ADAT1: variants seen among roughly 807,000 people sequenced by gnomAD.
ADAT1 encodes adenosine deaminase tRNA specific 1.
Under a neutral mutation model 58.6 loss-of-function variants are expected in ADAT1, and 58 were observed. The ratio of observed to expected loss-of-function variants is 0.99; its 90% CI spans 0.80 to 1.23. The LOEUF (loss-of-function observed/expected upper bound fraction) is 1.23. Among genes scored for constraint, ADAT1 ranks in the 50% most tolerant of loss-of-function variants. The pLI is 0.00. For missense variants in ADAT1, 741 were observed against 608.6 expected, an observed-to-expected ratio of 1.22 and a Z score of -2.29; for synonymous variants, 254 against 220.8, an observed-to-expected ratio of 1.15 and a Z score of -1.33.
intron 5 of ADAT1, among the ~76,000 whole-genome samples, chr16:75,613,914 G>C (rs1046728217): frequency 6.6e-6 from 1 of 152,148 alleles, no homozygotes; most frequent in African/African-American, 2.4e-5. Flanking sequence ...TTGGCAGGCA[G>C]GGTGCGGTGG....
chr16:75,607,548 T>G (rs2081404083), intron 8 of ADAT1, among the ~76,000 whole-genome samples: 2 of 150,314 alleles, frequency 1.3e-5, no homozygotes, highest in Non-Finnish European at 3.0e-5. Context: ...TCATACCCAC[T>G]AGAATGACTA....
chr16:75,618,248 T>A (rs2081804502), intron 4 of ADAT1, among the ~76,000 whole-genome samples: 1 of 152,038 alleles, frequency 6.6e-6, no homozygotes, highest in African/African-American at 2.4e-5. Context: ...GGCTCACACC[T>A]GTAATCCCAG....
rs1332095783 is a variant in ADAT1 at position 75,597,509 on chromosome 16, A to C, written c.*2707T>G. The C allele has an allele frequency of 8.2e-6, 3 of 366,274 alleles. No homozygotes were observed. The highest frequency in any genetic ancestry group is 1.1e-5 in the Non-Finnish European group (2 of 180,710). The allele number at this position is 366,274 out of a possible 1,614,324, so 22.7% of individuals were successfully genotyped here. A position where few individuals can be genotyped will look rare whatever the true frequency, so the allele number is the denominator to read the frequency against. ...ACCAGGGACTGGTTTCATGGAAGAT[A>C]ATTTTTCCACAGATCCGGGGTGGGG... On this transcript the variant is annotated 3_prime_UTR_variant, in exon 10 of 10. Coordinates refer to ENST00000564657, the MANE Select transcript of ADAT1 (RefSeq NM_001324445.2).
At position 75,608,595 on chromosome 16, in the gene ADAT1, C is replaced by A. The variant is rs373956379; in HGVS notation, c.1189+248G>T. ...TAAACAGAATTTCTCACTGAATCTT[C>A]CCAATAACCCTGATAAATGATATTC... is the stretch of plus-strand genomic sequence containing the variant. On this transcript the variant is annotated intron_variant, in intron 7 of 9. Coordinates refer to ENST00000564657, the MANE Select transcript of ADAT1 (RefSeq NM_001324445.2). 6.8e-6 allele frequency: 4 copies of A among 587,622 alleles called. No individual in the cohort carries two copies. In the East Asian group the frequency reaches 1.1e-4, roughly 17 times the overall value. The allele number at this position is 587,622 out of a possible 1,614,324, so 36.4% of individuals were successfully genotyped here. A position where few individuals can be genotyped will look rare whatever the true frequency, so the allele number is the denominator to read the frequency against.
chr16:75,597,245 G>T lies in ADAT1; in HGVS notation c.*2971C>A. On this transcript the variant is annotated 3_prime_UTR_variant, in exon 10 of 10. Transcript: ENST00000564657. ...AGGGCAGGCCCTAAATCCAATTACTGGGGTCCTTATAAGTAGGCCATGGAA... is the reference window on the plus strand; with the variant it reads ...AGGGCAGGCCCTAAATCCAATTACTTGGGTCCTTATAAGTAGGCCATGGAA... 2 of 333,070 alleles carry T rather than the reference G, an allele frequency of 6.0e-6. No homozygotes were observed. Among genetic ancestry groups the T allele is most frequent in the South Asian group, 4.8e-5 (2 of 41,338 alleles). 20.6% of individuals were successfully genotyped at this position (333,070 alleles called of 1,614,324 possible). A position where few individuals can be genotyped will look rare whatever the true frequency, so the allele number is the denominator to read the frequency against.
rs1344491324 is a variant in ADAT1 at position 75,597,779 on chromosome 16, C to G, written c.*2437G>C. Reference sequence around the variant, plus strand: ...GTGCAACCTAGATCCCTTGCATGCACAGTTCACAATAGGATTCACGCTCCT... The same window carrying G: ...GTGCAACCTAGATCCCTTGCATGCAGAGTTCACAATAGGATTCACGCTCCT... On this transcript the variant is annotated 3_prime_UTR_variant, in exon 10 of 10. Coordinates refer to ENST00000564657, the MANE Select transcript of ADAT1 (RefSeq NM_001324445.2). Among the ~76,000 whole-genome samples, 1 of 152,186 alleles carries G rather than the reference C, an allele frequency of 6.6e-6. No individual in the cohort carries two copies. Among genetic ancestry groups the G allele is most frequent in the African/African-American group, 2.4e-5 (1 of 41,448 alleles).
chr16:75,615,698 A>G lies in ADAT1; in HGVS notation c.424+1444T>C, dbSNP rs561746511. On this transcript the variant is annotated intron_variant, in intron 5 of 9. Transcript: ENST00000564657. ...CAATAAGGCTATAGCTGTCACTGGG[A>G]TCACCCCGGTCCTAGCTACTCAATG... Among the ~76,000 whole-genome samples the G allele has an allele frequency of 5.9e-5, 9 of 152,172 alleles. No homozygotes were observed. The East Asian group carries it at 1.5e-3, about 26-fold the overall frequency.
intron 5 of ADAT1, among the ~76,000 whole-genome samples, chr16:75,615,987 C>T (rs2081704046): frequency 6.6e-6 from 1 of 151,504 alleles, no homozygotes; most frequent in South Asian, 2.1e-4. Flanking sequence ...TTCTCATACT[C>T]TTTCTTTCTT....
intron 8 of ADAT1, among the ~76,000 whole-genome samples, chr16:75,603,981 T>C (rs886502302): frequency 6.6e-6 from 1 of 152,146 alleles, no homozygotes; most frequent in East Asian, 1.9e-4. Flanking sequence ...ACTTCAGGAA[T>C]TGCTGCTTAA....
chr16:75,613,712 T>C lies in ADAT1; in HGVS notation c.425-851A>G, dbSNP rs763275558. Among the ~76,000 whole-genome samples, 23 of 152,214 alleles carry C rather than the reference T, an allele frequency of 1.5e-4. 1 individual carries two copies. The highest frequency in any genetic ancestry group is 3.2e-4 in the Non-Finnish European group (22 of 68,036). On this transcript the variant is annotated intron_variant, in intron 5 of 9. Coordinates refer to ENST00000564657, the MANE Select transcript of ADAT1 (RefSeq NM_001324445.2). ...CTGGTCTCTACCTACTAAATGCCAA[T>C]AGGACTACCAGTCCCAGTATGAAAA...
In ADAT1 at chr16:75,608,260, C is replaced by T; in HGVS notation, c.1253G>A (p.Gly418Glu). ...GCTTCCAATTGTTTTCTTTGTTGTT[C>T]CCTGTGGAAAGCCATTGGCAGTAAC... The part of the protein sequence containing the change: ...LDVTANGFPQ[G>E]TTKKTIGSLQ... The change falls in exon 8 of 10, where the codon GGA (glycine) becomes GAA (glutamate). Residue 418 changes from glycine (G) to glutamate (E), a missense_variant. Transcript: ENST00000564657. 5 of 1,614,052 alleles carry T rather than the reference C, an allele frequency of 3.1e-6. No homozygotes were observed. The highest frequency in any genetic ancestry group is 1.1e-5 in the South Asian group (1 of 91,066).
At chr16:75,608,389 A>T in intron 7 of ADAT1, 66 bp from the exon 8 acceptor site, 1 of 1,362,060 alleles carries the variant, frequency 7.3e-7, no homozygotes, top group Non-Finnish European at 1.0e-6. Context: ...AAGTATTTTA[A>T]TAAAAATATT....
chr16:75,611,219 A>G (rs147231034), intron 6 of ADAT1, among the ~76,000 whole-genome samples: 91 of 152,290 alleles, frequency 6.0e-4, no homozygotes, highest in Middle Eastern at 3.4e-3. Context: ...TATTAAAAAC[A>G]AAGAAGAAAA....
intron 2 of ADAT1, 94 bp downstream of exon 2, chr16:75,620,537 C>A: frequency 1.3e-6 from 2 of 1,496,954 alleles, no homozygotes; most frequent in Admixed American, 1.7e-5. Flanking sequence ...CATCGTAGTT[C>A]ACACCCTACC....
chr16:75,618,343 A>G (rs928706113), intron 4 of ADAT1, among the ~76,000 whole-genome samples: 13 of 151,808 alleles, frequency 8.6e-5, no homozygotes, highest in Admixed American at 4.6e-4. Flanking sequence ...CATCTCTACT[A>G]AAAACACAAA....
Position 75,617,155 on chromosome 16 carries a change from G to A in ADAT1, c.411C>T (p.Ser137=). 1 of 1,613,300 alleles carries A rather than the reference G, an allele frequency of 6.2e-7. No homozygotes were observed. The highest frequency in any genetic ancestry group is 8.5e-7 in the Non-Finnish European group (1 of 1,179,380). Residue 137 remains serine (S), a synonymous_variant, in exon 5 of 10, where the codon TCC becomes TCT. Transcript: ENST00000564657. The stretch of plus-strand genomic sequence containing the variant: ...GAATATACTTACAGGGTGTATGGCT[G>A]GAGAAAAACACAAAAATGAGGTCTC... The part of the protein sequence containing the change: ...LRRDLIFVFF[S]SHTPCGDASI...
At chr16:75,607,655 A>C (rs898860145) in intron 8 of ADAT1, among the ~76,000 whole-genome samples, 8 of 152,194 alleles carry the variant, frequency 5.3e-5, no homozygotes, top group African/African-American at 1.9e-4. Context: ...GCTGCTATGG[A>C]AAACAGTTTA....
intron 9 of ADAT1, among the ~76,000 whole-genome samples, chr16:75,601,356 A>G (rs79459463): frequency 6.6e-6 from 1 of 151,916 alleles, no homozygotes; most frequent in East Asian, 1.9e-4. Context: ...AAAAAAAAAT[A>G]CAGTAACTAC....
intron 2 of ADAT1, 114 bp downstream of exon 2, chr16:75,620,517 A>G (rs1336206401): frequency 1.4e-6 from 2 of 1,434,298 alleles, no homozygotes; most frequent in Non-Finnish European, 1.9e-6. Flanking sequence ...GGACAAGCAC[A>G]TATGCCTAAC....
Sources: allele counts gnomAD v4.1 joint callset (sites outside exome capture counted in the v4.1 genomes callset), GRCh38; gene constraint gnomAD v4.1.1; transcripts MANE v1.5; gene names NCBI Gene and HGNC (gene_info 2026-07-23, HGNC 2026-07-21).